Variants in HOOK3 observed in about 807,000 individuals in gnomAD.
The protein encoded by HOOK3 is hook microtubule tethering protein 3.
In HOOK3, 24 loss-of-function variants were observed where a neutral mutation model predicts 116.3. That is an observed-to-expected ratio of 0.21 (90% CI 0.15 to 0.29). HOOK3 has a LOEUF of 0.29. Among genes scored for constraint, HOOK3 ranks in the 10% least tolerant of loss-of-function variants. The probability of loss-of-function intolerance (pLI) is 1.00; values close to 1 mark genes in which losing one functional copy is unlikely to be tolerated. For synonymous variants in HOOK3, 275 were observed against 283.0 expected (o/e 0.97, Z 0.28); for missense variants, 632 against 830.2 (o/e 0.76, Z 2.93).
chr8:43,017,810 G>A (rs1487865899), intron 21 of HOOK3, among the ~76,000 whole-genome samples: 1 of 152,074 alleles, frequency 6.6e-6, no homozygotes, highest in African/African-American at 2.4e-5. Context: ...CTTCAAGAAA[G>A]ACCCCCTTCT....
intron 5 of HOOK3, among the ~76,000 whole-genome samples, chr8:42,944,008 C>G (rs953817325): frequency 6.6e-6 from 1 of 152,176 alleles, no homozygotes; most frequent in African/African-American, 2.4e-5. Flanking sequence ...CTTAAGAAAT[C>G]ACTCCCTGAC....
intron 11 of HOOK3, among the ~76,000 whole-genome samples, chr8:42,970,086 A>G (rs1439969166): frequency 6.6e-6 from 1 of 152,154 alleles, no homozygotes; most frequent in African/African-American, 2.4e-5. Context: ...TATTTAATCC[A>G]CTTGGAATTA....
intron 19 of HOOK3, among the ~76,000 whole-genome samples, chr8:43,011,147 C>T (rs1007196328): frequency 6.6e-5 from 10 of 152,076 alleles, no homozygotes; most frequent in South Asian, 4.2e-4. Flanking sequence ...CGCCTGCCAC[C>T]ACACTCGGCT....
chr8:42,939,206 A>G (rs1411652455), intron 4 of HOOK3, among the ~76,000 whole-genome samples: 2 of 152,126 alleles, frequency 1.3e-5, no homozygotes, highest in Non-Finnish European at 2.9e-5. Context: ...CATTGTCATC[A>G]TGGCCCGTTC....
At chr8:42,935,547 C>A (rs1384076154) in intron 4 of HOOK3, among the ~76,000 whole-genome samples, 3 of 152,036 alleles carry the variant, frequency 2.0e-5, no homozygotes, top group African/African-American at 7.2e-5. Context: ...GTCTTTAATC[C>A]ATCTTGAGTT....
At chr8:42,981,424 A>G (rs1328529456) in intron 13 of HOOK3, among the ~76,000 whole-genome samples, 1 of 152,130 alleles carries the variant, frequency 6.6e-6, no homozygotes, top group African/African-American at 2.4e-5. Context: ...GGACTAGGAC[A>G]CCTTTCTTGT....
At chr8:42,934,638 C>T (rs767962668) in intron 4 of HOOK3, among the ~76,000 whole-genome samples, 26 of 151,778 alleles carry the variant, frequency 1.7e-4, no homozygotes, top group African/African-American at 2.9e-4. Context: ...TGAGAACATG[C>T]GGTGTTTGGT....
intron 17 of HOOK3, among the ~76,000 whole-genome samples, chr8:43,007,306 A>C (rs1285941254): frequency 6.6e-6 from 1 of 152,038 alleles, no homozygotes; most frequent in Admixed American, 6.6e-5. Flanking sequence ...TCGGTTCTTC[A>C]TTCTTCCTCC....
chr8:43,020,293 G>A lies in HOOK3; in HGVS notation c.*1795G>A, dbSNP rs986622127. On this transcript the variant is annotated 3_prime_UTR_variant, in exon 22 of 22. Coordinates refer to ENST00000307602, the MANE Select transcript of HOOK3 (RefSeq NM_032410.4). ...GGAGATAGCCATGAGTAGAACTGCT[G>A]TAGGGCTTCAGGAGGCTACGCAGAC... 4 of 200,518 alleles carry A rather than the reference G, an allele frequency of 2.0e-5. No homozygotes were observed. The highest frequency in any genetic ancestry group is 4.6e-5 in the African/African-American group (2 of 43,570). The allele number at this position is 200,518 out of a possible 1,614,324, so 12.4% of individuals were successfully genotyped here. A position where few individuals can be genotyped will look rare whatever the true frequency, so the allele number is the denominator to read the frequency against.
chr8:42,973,454 T>C lies in HOOK3; in HGVS notation c.1233+55T>C, dbSNP rs181701311. 24 of 1,099,192 alleles carry C rather than the reference T, an allele frequency of 2.2e-5. No individual in the cohort carries two copies. In the East Asian group the frequency reaches 5.6e-4, roughly 25 times the overall value. 68.1% of individuals were successfully genotyped at this position (1,099,192 alleles called of 1,614,324 possible). ...TGAGCACTGCTAAAATTAAGGCGAT[T>C]ATGTTTAATTCATGTTTGGCCACAT... On this transcript the variant is annotated intron_variant, in intron 12 of 21. Coordinates refer to ENST00000307602, the MANE Select transcript of HOOK3 (RefSeq NM_032410.4).
At chr8:42,954,894 G>A (rs1808406013) in intron 6 of HOOK3, among the ~76,000 whole-genome samples, 1 of 152,190 alleles carries the variant, frequency 6.6e-6, no homozygotes, top group African/African-American at 2.4e-5. Context: ...TGTAAATTAG[G>A]GTAGGGGAAA....
At chr8:42,938,307 G>A (rs1808014531) in intron 4 of HOOK3, among the ~76,000 whole-genome samples, 1 of 151,038 alleles carries the variant, frequency 6.6e-6, no homozygotes, top group African/African-American at 2.4e-5. Flanking sequence ...TGTGAGATGA[G>A]TTTCCTGAAT....
At chr8:42,937,914 C>G (rs1205134636) in intron 4 of HOOK3, among the ~76,000 whole-genome samples, 5 of 152,018 alleles carry the variant, frequency 3.3e-5, no homozygotes, top group African/African-American at 9.7e-5. Flanking sequence ...TCTGCTTGGT[C>G]CAGAGCTGAG....
At chr8:42,945,386 T>G (rs1475134861) in intron 5 of HOOK3, among the ~76,000 whole-genome samples, 1 of 152,196 alleles carries the variant, frequency 6.6e-6, no homozygotes, top group Non-Finnish European at 1.5e-5. Flanking sequence ...CTCAGCTCAC[T>G]GCAACCTCCA....
chr8:42,912,295 G>A (rs942532980), intron 2 of HOOK3, among the ~76,000 whole-genome samples: 1 of 152,080 alleles, frequency 6.6e-6, no homozygotes, highest in African/African-American at 2.4e-5. Flanking sequence ...TATCTGTTTG[G>A]TCTTTTAAGT....
chr8:42,903,626 A>G (rs1228483012), intron 1 of HOOK3, among the ~76,000 whole-genome samples: 1 of 149,630 alleles, frequency 6.7e-6, no homozygotes, highest in African/African-American at 2.4e-5. Context: ...TACAGACATG[A>G]GCCACCGTGC....
chr8:42,958,898 A>G (rs773315957), intron 7 of HOOK3, among the ~76,000 whole-genome samples: 1 of 152,178 alleles, frequency 6.6e-6, no homozygotes, highest in Non-Finnish European at 1.5e-5. Context: ...CCCCTAGCAC[A>G]TACATATTTT....
intron 21 of HOOK3, among the ~76,000 whole-genome samples, chr8:43,014,739 G>A (rs529326234): frequency 9.6e-4 from 146 of 152,250 alleles, no homozygotes; most frequent in African/African-American, 3.4e-3. Context: ...ATTGATAACT[G>A]CCTCTTAAAG....
At chr8:42,917,975 T>C (rs573843197) in intron 2 of HOOK3, among the ~76,000 whole-genome samples, 70 of 152,338 alleles carry the variant, frequency 4.6e-4, no homozygotes, top group African/African-American at 1.6e-3. Flanking sequence ...TAGTCATGCC[T>C]AAGAATCAAT....
Sources: allele counts gnomAD v4.1 joint callset (sites outside exome capture counted in the v4.1 genomes callset), GRCh38; gene constraint gnomAD v4.1.1; transcripts MANE v1.5; gene names NCBI Gene and HGNC (gene_info 2026-07-23, HGNC 2026-07-21).